Variants in RAPGEF4 observed in about 807,000 individuals in gnomAD.
RAPGEF4 encodes Rap guanine nucleotide exchange factor 4.
Under a neutral mutation model 147.9 loss-of-function variants are expected in RAPGEF4, and 66 were observed. That is an observed-to-expected ratio of 0.45 (90% CI 0.37 to 0.55). The LOEUF (loss-of-function observed/expected upper bound fraction) is 0.55, where lower values mean the gene tolerates loss of function less well. Among genes scored for constraint, RAPGEF4 ranks in the 20% least tolerant of loss-of-function variants. The pLI is 0.00. For synonymous variants in RAPGEF4, 419 were observed against 442.7 expected (o/e 0.95, Z 0.67); for missense variants, 1,071 against 1,257.3 (o/e 0.85, Z 2.24).
intron 4 of RAPGEF4, among the ~76,000 whole-genome samples, chr2:172,888,126 G>A (rs887753823): frequency 6.6e-6 from 1 of 152,176 alleles, no homozygotes; most frequent in African/African-American, 2.4e-5. Flanking sequence ...TAATAACTGG[G>A]GGTGTTGAAT....
chr2:173,032,093 G>A (rs1697244264), intron 26 of RAPGEF4, among the ~76,000 whole-genome samples: 1 of 152,134 alleles, frequency 6.6e-6, no homozygotes, highest in Non-Finnish European at 1.5e-5. Flanking sequence ...AAACTGAGGG[G>A]GAAGATCAAG....
At chr2:173,033,871 T>C (rs746928554) in intron 26 of RAPGEF4, 43 bp from the exon 27 acceptor site, 7 of 1,580,486 alleles carry the variant, frequency 4.4e-6, no homozygotes, top group Admixed American at 1.7e-5. Flanking sequence ...TATCTAGATA[T>C]TGAATCTGAC....
intron 25 of RAPGEF4, among the ~76,000 whole-genome samples, chr2:173,029,611 C>T (rs1449640627): frequency 1.3e-5 from 2 of 152,218 alleles, no homozygotes; most frequent in African/African-American, 4.8e-5. Flanking sequence ...GTTTAGGTTA[C>T]TTCTCAGCTT....
At chr2:173,027,041 TA>T (rs375577503) in intron 24 of RAPGEF4, 39 bp from the exon 25 acceptor site, 656 of 1,473,188 alleles carry the variant, frequency 4.5e-4, no homozygotes, top group South Asian at 9.1e-4. Flanking sequence ...TGTTTTGATT[TA>T]AAAAAAAATA....
chr2:172,915,775 T>C (rs973271399), intron 4 of RAPGEF4, among the ~76,000 whole-genome samples: 1 of 151,804 alleles, frequency 6.6e-6, no homozygotes, highest in Non-Finnish European at 1.5e-5. Flanking sequence ...GATAAATGTG[T>C]AGATGAAATA....
chr2:172,886,896 T>C, intron 4 of RAPGEF4, among the ~76,000 whole-genome samples: 1 of 152,114 alleles, frequency 6.6e-6, no homozygotes, highest in East Asian at 1.9e-4. Flanking sequence ...GCTATTTAAT[T>C]TGAAAAATTG....
intron 4 of RAPGEF4, among the ~76,000 whole-genome samples, chr2:172,834,303 C>G (rs913835754): frequency 2.6e-5 from 4 of 152,114 alleles, no homozygotes; most frequent in African/African-American, 9.7e-5. Flanking sequence ...ATGTATTGGC[C>G]TTCAGTGGTT....
intron 4 of RAPGEF4, among the ~76,000 whole-genome samples, chr2:172,916,896 T>G (rs1263664729): frequency 2.0e-5 from 3 of 152,232 alleles, no homozygotes; most frequent in Non-Finnish European, 4.4e-5. Flanking sequence ...CTTTTGATGC[T>G]ATTTAACATG....
chr2:172,979,953 C>T (rs767732854), intron 10 of RAPGEF4, among the ~76,000 whole-genome samples: 2 of 152,152 alleles, frequency 1.3e-5, no homozygotes, highest in African/African-American at 2.4e-5. Context: ...GGGGGCAGAG[C>T]TTGCAGTGAG....
intron 1 of RAPGEF4, among the ~76,000 whole-genome samples, chr2:172,740,868 A>G (rs905491799): frequency 2.0e-5 from 3 of 152,264 alleles, no homozygotes; most frequent in African/African-American, 7.2e-5. Context: ...TCTAAAAGCC[A>G]GAAAGACAGT....
At chr2:172,887,563 A>T (rs928260400) in intron 4 of RAPGEF4, among the ~76,000 whole-genome samples, 1 of 152,156 alleles carries the variant, frequency 6.6e-6, no homozygotes, top group Non-Finnish European at 1.5e-5. Flanking sequence ...TCGTTTATTC[A>T]TATATCGTTT....
chr2:173,001,417 T>C (rs1428453587), intron 17 of RAPGEF4, 73 bp downstream of exon 17: 1 of 1,580,900 alleles, frequency 6.3e-7, no homozygotes, highest in African/African-American at 1.4e-5. Context: ...CATTCTTATC[T>C]CATCTTCTGC....
intron 5 of RAPGEF4, among the ~76,000 whole-genome samples, chr2:172,918,944 T>G (rs1437228989): frequency 6.6e-6 from 1 of 152,184 alleles, no homozygotes; most frequent in Non-Finnish European, 1.5e-5. Context: ...ACCGCAATCC[T>G]GAGTGAACAT....
chr2:172,801,529 C>G (rs974443333), intron 3 of RAPGEF4, among the ~76,000 whole-genome samples: 2 of 152,134 alleles, frequency 1.3e-5, no homozygotes, highest in Non-Finnish European at 2.9e-5. Context: ...GCGCCTATGA[C>G]AGGAGGCTAT....
chr2:172,847,760 CT>C (rs2149724025), intron 4 of RAPGEF4, among the ~76,000 whole-genome samples: 1 of 152,284 alleles, frequency 6.6e-6, no homozygotes, highest in African/African-American at 2.4e-5. Flanking sequence ...TTACGTGAAA[CT>C]TTTAAGAGAC....
chr2:172,984,470 T>G (rs1321000596), intron 11 of RAPGEF4, among the ~76,000 whole-genome samples: 2 of 152,190 alleles, frequency 1.3e-5, no homozygotes, highest in South Asian at 2.1e-4. Flanking sequence ...CCTCTCCCCT[T>G]CAACCTAGAC....
At chr2:172,887,722 T>A (rs1697406305) in intron 4 of RAPGEF4, among the ~76,000 whole-genome samples, 1 of 152,052 alleles carries the variant, frequency 6.6e-6, no homozygotes, top group African/African-American at 2.4e-5. Context: ...GCCACTCCTG[T>A]CTCTTCTCAC....
chr2:172,998,912 A>T (rs144764577), intron 16 of RAPGEF4, among the ~76,000 whole-genome samples: 1 of 152,372 alleles, frequency 6.6e-6, no homozygotes, highest in Non-Finnish European at 1.5e-5. Flanking sequence ...GGAATGAGCT[A>T]TAAGATCTTT....
intron 4 of RAPGEF4, among the ~76,000 whole-genome samples, chr2:172,904,502 T>C (rs1001351283): frequency 1.3e-5 from 2 of 152,212 alleles, no homozygotes; most frequent in African/African-American, 4.8e-5. Flanking sequence ...AGCTTATGGT[T>C]GATTAATTAC....
Sources: allele counts gnomAD v4.1 joint callset (sites outside exome capture counted in the v4.1 genomes callset), GRCh38; gene constraint gnomAD v4.1.1; transcripts MANE v1.5; gene names NCBI Gene and HGNC (gene_info 2026-07-23, HGNC 2026-07-21).